Variants in ANAPC11 observed in about 807,000 individuals in gnomAD.
ANAPC11 encodes anaphase-promoting complex subunit 11.
Under a neutral mutation model 11.8 loss-of-function variants are expected in ANAPC11, and 5 were observed. That is an observed-to-expected ratio of 0.42 (90% confidence interval 0.22 to 0.89). The LOEUF is 0.89. Among genes scored for constraint, ANAPC11 ranks in the 40% least tolerant of loss-of-function variants. The pLI, the probability that ANAPC11 is intolerant of heterozygous loss-of-function variation, is 0.28. For missense variants in ANAPC11, 68 were observed against 112.9 expected (o/e 0.60, Z 1.80); for synonymous variants, 45 against 41.0 (o/e 1.10, Z -0.38).
chr17:81,899,657 G>A (rs2039871950), intron 3 of ANAPC11: 2 of 1,291,510 alleles, frequency 1.5e-6, no homozygotes, highest in Admixed American at 2.6e-5. Context: ...TGATGAGCCT[G>A]GGTGAGGGGA....
intron 3 of ANAPC11, chr17:81,899,217 A>T: frequency 1.2e-6 from 2 of 1,605,416 alleles, no homozygotes; most frequent in Non-Finnish European, 1.7e-6. Context: ...ATCATGGCTG[A>T]TACAAGCATC....
intron 2 of ANAPC11, among the ~76,000 whole-genome samples, chr17:81,893,849 G>A (rs1215916025): frequency 6.9e-6 from 1 of 145,182 alleles, no homozygotes; most frequent in Admixed American, 7.1e-5. Flanking sequence ...CTCCCGAGTT[G>A]GCCTCCCAGA....
Position 81,899,947 on chromosome 17 carries a change from T to A in ANAPC11, c.137T>A (p.Leu46Gln). The A allele has an allele frequency of 1.2e-6, 2 of 1,610,606 alleles. No individual in the cohort carries two copies. The highest frequency in any genetic ancestry group is 1.7e-6 in the Non-Finnish European group (2 of 1,177,916). Residue 46 changes from leucine to glutamine, a missense_variant, in exon 4 of 4, where the codon CTG (leucine) becomes CAG (glutamine). By Grantham distance (113) the Leu-to-Gln change is moderately radical. Transcript: ENST00000344877. ...AAGGTGCCCGGCGACGACTGCCCGC[T>A]GGTGTGGGGCCAGTGCTCCCACTGC... ...DCKVPGDDCP[L>Q]VWGQCSHCFH...
chr17:81,897,476 A>G (rs1053283076), intron 3 of ANAPC11, among the ~76,000 whole-genome samples: 7 of 151,914 alleles, frequency 4.6e-5, no homozygotes, highest in African/African-American at 1.7e-4. Context: ...ACTGAATCTT[A>G]GTACAATTTT....
chr17:81,892,349 C>G (rs1225335907), intron 1 of ANAPC11, among the ~76,000 whole-genome samples: 1 of 151,548 alleles, frequency 6.6e-6, no homozygotes, highest in African/African-American at 2.4e-5. Flanking sequence ...CACTTCTGTA[C>G]TACCAGCTAC....
upstream of ANAPC11, chr17:81,891,527 G>T: frequency 4.2e-6 from 6 of 1,416,546 alleles, no homozygotes; most frequent in Non-Finnish European, 5.6e-6. Context: ...GTTTAATGAT[G>T]TCGTCCAGAG....
At chr17:81,894,380 T>C (rs570098282) in intron 2 of ANAPC11, 87 bp from the exon 3 acceptor site, 5 of 697,842 alleles carry the variant, frequency 7.2e-6, no homozygotes, top group African/African-American at 3.6e-5. Flanking sequence ...GGGACTGCAC[T>C]GTGGCAGGCT....
chr17:81,899,493 CT>C, intron 3 of ANAPC11: 5 of 1,613,980 alleles, frequency 3.1e-6, no homozygotes, highest in Non-Finnish European at 4.2e-6. Flanking sequence ...TTCATGTGAC[CT>C]TTTTGGCATC....
Position 81,895,617 on chromosome 17 carries a change from C to T in ANAPC11, c.109+1031C>T, listed in dbSNP as rs1263049116. ...CAAGGTCAAGAGATGGAGGCCGGCA[C>T]GGTGGCTCACACCTGTCATCCTAGC... On this transcript the variant is annotated intron_variant, in intron 3 of 3. Transcript: ENST00000344877. Among the ~76,000 whole-genome samples, 9 of 152,008 alleles carry T rather than the reference C, an allele frequency of 5.9e-5. No individual in the cohort carries two copies. In the East Asian group the frequency reaches 1.7e-3, roughly 29 times the overall value.
intron 2 of ANAPC11, 122 bp downstream of exon 2, chr17:81,893,736 C>T (rs1165074212): frequency 1.3e-5 from 2 of 149,536 alleles, no homozygotes; most frequent in Non-Finnish European, 3.0e-5. Flanking sequence ...AGAAACCTCA[C>T]AGATAGTTCT....
upstream of ANAPC11, chr17:81,890,909 C>T: frequency 3.8e-6 from 6 of 1,577,522 alleles, no homozygotes; most frequent in Non-Finnish European, 3.5e-6. Flanking sequence ...CCTTCCTCTT[C>T]CCGGCCTGAG....
In ANAPC11 at chr17:81,891,734, C is replaced by A. The variant is rs1456128510; in HGVS notation, c.-182C>A. 1.7e-6 allele frequency: 1 copy of A among 573,254 alleles called. No homozygotes were observed. Among genetic ancestry groups the A allele is most frequent in the Non-Finnish European group, 2.4e-6 (1 of 409,916 alleles). 35.5% of individuals were successfully genotyped at this position (573,254 alleles called of 1,614,324 possible). A position where few individuals can be genotyped will look rare whatever the true frequency, so the allele number is the denominator to read the frequency against. Reference sequence around the variant, plus strand: ...AGGCGGGGAGGCGCGTGCGCACTGGCGTGCGAGACTCGGCGGGCGCTGTTG... The same window carrying A: ...AGGCGGGGAGGCGCGTGCGCACTGGAGTGCGAGACTCGGCGGGCGCTGTTG... On this transcript the variant is annotated 5_prime_UTR_variant, in exon 1 of 4. Coordinates refer to ENST00000344877, the MANE Select transcript of ANAPC11 (RefSeq NM_001002248.3).
chr17:81,899,334 A>G (rs1334574130), intron 3 of ANAPC11: 3 of 1,613,596 alleles, frequency 1.9e-6, no homozygotes, highest in Middle Eastern at 1.6e-4. Context: ...ACAGGTGCCC[A>G]TCAACACAGC....
At chr17:81,893,101 C>G (rs2039605596) in intron 1 of ANAPC11, 1 of 151,950 alleles carries the variant, frequency 6.6e-6, no homozygotes, top group African/African-American at 2.4e-5. Flanking sequence ...CTCTGCCTCC[C>G]AGGTCCAAGT....
chr17:81,891,473 GCGGCCC>G, upstream of ANAPC11: 1 of 1,143,972 alleles, frequency 8.7e-7, no homozygotes, highest in Non-Finnish European at 1.1e-6. Context: ...CGGCCCGGCC[GCGGCCC>G]CGGCCCCCGC....
intron 3 of ANAPC11, among the ~76,000 whole-genome samples, chr17:81,896,422 CAA>C (rs1301069394): frequency 2.0e-5 from 3 of 149,406 alleles, no homozygotes; most frequent in African/African-American, 7.4e-5. Flanking sequence ...AACTCCATCT[CAA>C]AAAAAAAGAA....
chr17:81,891,239 C>G, upstream of ANAPC11: 1 of 1,057,282 alleles, frequency 9.5e-7, no homozygotes, highest in Non-Finnish European at 1.1e-6. Flanking sequence ...CACCCGCCGG[C>G]CCGGGTCTCC....
intron 3 of ANAPC11, chr17:81,899,129 C>A: frequency 1.7e-6 from 2 of 1,166,766 alleles, no homozygotes; most frequent in Non-Finnish European, 2.4e-6. Context: ...GGGGCTGGGA[C>A]TTGCTGTGCT....
chr17:81,897,697 T>A (rs2039790496), intron 3 of ANAPC11, among the ~76,000 whole-genome samples: 1 of 152,138 alleles, frequency 6.6e-6, no homozygotes, highest in East Asian at 1.9e-4. Context: ...TTGCCAAGGC[T>A]AGTCTTGAAC....
Sources: allele counts gnomAD v4.1 joint callset (sites outside exome capture counted in the v4.1 genomes callset), GRCh38; gene constraint gnomAD v4.1.1; transcripts MANE v1.5; gene names NCBI Gene and HGNC (gene_info 2026-07-23, HGNC 2026-07-21).